The following AGRN variants were observed in gnomAD, a reference collection of about 807,000 sequenced individuals.
AGRN encodes the protein agrin.
A neutral mutation model predicts 211.0 loss-of-function variants in AGRN; 106 were observed. The observed-to-expected ratio is 0.50, with a 90% CI of 0.43 to 0.59. The LOEUF (loss-of-function observed/expected upper bound fraction) is 0.59, where lower values mean the gene tolerates loss of function less well. Ranked by LOEUF, AGRN falls within the 20% of genes least tolerant of loss-of-function variation. The pLI, the probability that AGRN is intolerant of heterozygous loss-of-function variation, is 0.00. For synonymous variants in AGRN, 1,525 were observed against 1,332.5 expected (o/e 1.14, Z -3.15); for missense variants, 3,040 against 2,982.6 (o/e 1.02, Z -0.45).
chr1:1,022,341 C>A lies in AGRN; in HGVS notation c.342C>A (p.Ile114=). The change falls in exon 2 of 36, where the codon ATC becomes ATA. Residue 114 remains isoleucine, a synonymous_variant. Transcript: ENST00000379370. ...AGGTGTCCACTGGGGACACCAGGAT[C>A]TTCTTTGTGAACCCTGCACCCCCAT... ...DNQVSTGDTR[I]FFVNPAPPYL... 2 of 1,613,402 alleles carry A rather than the reference C, an allele frequency of 1.2e-6. No individual in the cohort carries two copies. Among genetic ancestry groups the A allele is most frequent in the Non-Finnish European group, 1.7e-6 (2 of 1,180,026 alleles).
chr1:1,053,690 G>T, intron 33 of AGRN, 63 bp from the exon 34 acceptor site: 1 of 1,044,140 alleles, frequency 9.6e-7, no homozygotes, highest in South Asian at 1.3e-5. Context: ...TTGTCCTCCC[G>T]CCTCCCCCAC....
In AGRN at chr1:1,049,405, G is replaced by A; in HGVS notation, c.4468G>A (p.Asp1490Asn). ...CAGTGGCACCGACGGCCTCAACCTG[G>A]ACACAGACCTCTTTGTGGGCGGCGT... is the stretch of plus-strand genomic sequence containing the variant. ...SPSGTDGLNLDTDLFVGGVPE... is the reference protein window; with the variant it reads ...SPSGTDGLNLNTDLFVGGVPE... Residue 1490 changes from aspartate to asparagine, a missense_variant, in exon 25 of 36, where the codon GAC becomes AAC. Physicochemically the swap from Asp to Asn is conservative, Grantham distance 23. This residue lies in a region of AGRN where 1,537 missense variants were observed against 1,505.0 expected (regional missense o/e 1.02). Transcript: ENST00000379370. 6.3e-7 allele frequency: 1 copy of A among 1,599,096 alleles called. No individual in the cohort carries two copies. Among genetic ancestry groups the A allele is most frequent in the Non-Finnish European group, 8.5e-7 (1 of 1,179,750 alleles).
Position 1,046,154 on chromosome 1 carries a change from C to G in AGRN, c.2806-6C>G. ...TCGCCTTGAACATCCTTGTTCTCTGCCCCAGGTCTGTGGGTCAGATGGAGT... is the reference window on the plus strand; with the variant it reads ...TCGCCTTGAACATCCTTGTTCTCTGGCCCAGGTCTGTGGGTCAGATGGAGT... On this transcript the variant is annotated splice_polypyrimidine_tract_variant and splice_region_variant and intron_variant, in intron 16 of 35. Coordinates refer to ENST00000379370, the MANE Select transcript of AGRN (RefSeq NM_198576.4). 6.2e-7 allele frequency: 1 copy of G among 1,613,918 alleles called. No individual in the cohort carries two copies. The highest frequency in any genetic ancestry group is 8.5e-7 in the Non-Finnish European group (1 of 1,179,992).
chr1:1,035,405 G>A, intron 3 of AGRN, 81 bp downstream of exon 3: 1 of 1,548,832 alleles, frequency 6.5e-7, no homozygotes, highest in Non-Finnish European at 8.9e-7. Flanking sequence ...TGTGCACCCA[G>A]ACGTGTGGAG....
At chr1:1,037,178 C>T (rs985607770) in intron 3 of AGRN, among the ~76,000 whole-genome samples, 4 of 152,160 alleles carry the variant, frequency 2.6e-5, no homozygotes, top group Non-Finnish European at 5.9e-5. Flanking sequence ...AGGGCCAGGG[C>T]AAGAACTGCG....
rs748783998 is a variant in AGRN, at chr1:1,047,600, G to A, written c.3544G>A (p.Val1182Ile). The change falls in exon 21 of 36, where the codon GTC becomes ATC. Residue 1182 changes from valine (V) to isoleucine (I), a missense_variant. This residue lies in a region of AGRN where 1,537 missense variants were observed against 1,505.0 expected (regional missense o/e 1.02). Transcript: ENST00000379370. ...GGACGACCTCTTCCGGAATTCAGACGTCAAGAAGGATTTTCGGAGTGTCCG... is the reference window on the plus strand; with the variant it reads ...GGACGACCTCTTCCGGAATTCAGACATCAAGAAGGATTTTCGGAGTGTCCG... ...TLDDLFRNSD[V>I]KKDFRSVRLR... is the part of the protein sequence containing the mutation. 3.3e-5 allele frequency: 53 copies of A among 1,612,862 alleles called. No individual in the cohort carries two copies. The highest frequency in any genetic ancestry group is 2.5e-4 in the Admixed American group (15 of 60,012).
chr1:1,040,824 A>T lies in AGRN; in HGVS notation c.671A>T (p.Gln224Leu). ...ASTYSNECEL[Q>L]RAQCSQQRRI... ...ACCTACAGCAACGAATGCGAGCTGC[A>T]GCGGGCGCAGTGCAGCCAGCAGCGC... Residue 224 changes from glutamine to leucine, a missense_variant, in exon 4 of 36, where the codon CAG becomes CTG. Gln to Leu is a moderately radical substitution (Grantham distance 113). Around this residue, in one of 3 missense-constraint regions of AGRN, gnomAD observed 1,498 missense variants for 1,457.8 expected, o/e 1.03. Coordinates refer to ENST00000379370, the MANE Select transcript of AGRN (RefSeq NM_198576.4). 34 of 1,536,518 alleles carry T rather than the reference A, an allele frequency of 2.2e-5. No homozygotes were observed. The highest frequency in any genetic ancestry group is 3.0e-5 in the Non-Finnish European group (34 of 1,147,430).
chr1:1,051,182 T>TGCA, intron 30 of AGRN, 71 bp from the exon 31 acceptor site: 1 of 1,525,466 alleles, frequency 6.6e-7, no homozygotes, highest in East Asian at 2.4e-5. Flanking sequence ...GGCGGGTGCG[T>TGCA]GCAGGTGCCT....
At chr1:1,052,328 CTATG>C (rs1645320365) in intron 33 of AGRN, 1 of 349,594 alleles carries the variant, frequency 2.9e-6, no homozygotes, top group Non-Finnish European at 5.7e-6. Context: ...CTGTGCGTGT[CTATG>C]TATATGGAGT....
rs751462657 is a variant in AGRN, at chr1:1,041,551, G to A, written c.1026G>A (p.Met342Ile). Residue 342 changes from methionine (M) to isoleucine (I), a missense_variant, in exon 6 of 36, where the codon ATG becomes ATA. Physicochemically the swap from Met to Ile is conservative, Grantham distance 10. Coordinates refer to ENST00000379370, the MANE Select transcript of AGRN (RefSeq NM_198576.4). ...ACCCGCGCACGCGGCGCCCTGAGAT[G>A]CTCCTACGGCCCGAGAGCTGCCCTG... ...RVNPRTRRPE[M>I]LLRPESCPAR... is the part of the protein sequence containing the mutation. 1.2e-6 allele frequency: 2 copies of A among 1,608,136 alleles called. No homozygotes were observed. Among genetic ancestry groups the A allele is most frequent in the Admixed American group, 1.7e-5 (1 of 59,948 alleles).
rs555478348 is a variant in AGRN, at chr1:1,026,283, C to T, written c.463+3821C>T. 2.0e-5 allele frequency among the ~76,000 whole-genome samples: 3 copies of T among 152,264 alleles called. No individual in the cohort carries two copies. The South Asian group carries it at 6.2e-4, about 32-fold the overall frequency. On this transcript the variant is annotated intron_variant, in intron 2 of 35. Transcript: ENST00000379370. ...CTGTGGGTGGTGGTGGGGATGGCACCTGCTGCAGCCTCCAGGCCAAGGTAG... is the reference window on the plus strand; with the variant it reads ...CTGTGGGTGGTGGTGGGGATGGCACTTGCTGCAGCCTCCAGGCCAAGGTAG...
intron 34 of AGRN, among the ~76,000 whole-genome samples, 164 bp from the exon 35 acceptor site, chr1:1,054,284 C>G (rs1437652275): frequency 6.6e-6 from 1 of 152,220 alleles, no homozygotes; most frequent in Non-Finnish European, 1.5e-5. Context: ...TCCCAGTGCC[C>G]TCCTTGGGGT....
chr1:1,021,105 T>A (rs1230523852), intron 1 of AGRN, among the ~76,000 whole-genome samples: 1 of 152,138 alleles, frequency 6.6e-6, no homozygotes, highest in African/African-American at 2.4e-5. Flanking sequence ...AACCATCTCC[T>A]GGGACCAGAA....
chr1:1,038,595 G>A (rs929305785), intron 3 of AGRN, among the ~76,000 whole-genome samples: 6 of 152,256 alleles, frequency 3.9e-5, no homozygotes, highest in Non-Finnish European at 7.3e-5. Flanking sequence ...AGTGCCCTTG[G>A]CCATGGTGTC....
chr1:1,020,855 G>GGC (rs780816447), intron 1 of AGRN, among the ~76,000 whole-genome samples: 2,054 of 150,808 alleles, frequency 0.014, 199 homozygotes, highest in Non-Finnish European at 0.023. Context: ...TGCGGGGGGG[G>GGC]GGCGTGCAGG....
chr1:1,051,920 C>G, intron 33 of AGRN, 105 bp downstream of exon 33: 1 of 1,548,880 alleles, frequency 6.5e-7, no homozygotes, highest in East Asian at 2.4e-5. Context: ...CCGGTGCTGC[C>G]ACCTCTGTCC....
Position 1,049,758 on chromosome 1 carries a change from T to A in AGRN, c.4707T>A (p.Ala1569=). 6.3e-7 allele frequency: 1 copy of A among 1,582,858 alleles called. No individual in the cohort carries two copies. The highest frequency in any genetic ancestry group is 8.6e-7 in the Non-Finnish European group (1 of 1,166,510). ...GGGCCCCATGCCAGAACCTGGAGGCTGGAAGGTTCCATTGCCAGTGCCCGC... is the reference window on the plus strand; with the variant it reads ...GGGCCCCATGCCAGAACCTGGAGGCAGGAAGGTTCCATTGCCAGTGCCCGC... ...HGGAPCQNLE[A]GRFHCQCPPG... is the part of the protein sequence containing the mutation. The change falls in exon 26 of 36, where the codon GCT becomes GCA. Residue 1569 remains alanine (A), a synonymous_variant. Coordinates refer to ENST00000379370, the MANE Select transcript of AGRN (RefSeq NM_198576.4).
intron 2 of AGRN, among the ~76,000 whole-genome samples, chr1:1,033,016 G>A (rs930501019): frequency 2.6e-5 from 4 of 152,076 alleles, no homozygotes; most frequent in Non-Finnish European, 5.9e-5. Context: ...GCCGGACTAC[G>A]CGTCAGGAGT....
At chr1:1,028,342 G>A (rs1359037966) in intron 2 of AGRN, among the ~76,000 whole-genome samples, 1 of 23,964 alleles carries the variant, frequency 4.2e-5, no homozygotes, top group Non-Finnish European at 1.1e-4. Context: ...CCCCCGCCCT[G>A]CACCTGGCTG....
Sources: gnomAD v4.1 joint callset for allele counts (sites outside exome capture counted in the v4.1 genomes callset) on GRCh38, gnomAD v4.1.1 for gene constraint, gnomAD v4.1.1 regional missense constraint, MANE v1.5 for transcripts, NCBI Gene and HGNC (gene_info 2026-07-23, HGNC 2026-07-21) for gene names.